CNTROB: variants seen among roughly 807,000 people sequenced by gnomAD.
CNTROB encodes the protein centrobin.
Under a neutral mutation model 115.7 loss-of-function variants are expected in CNTROB, and 82 were observed. That is an observed-to-expected ratio of 0.71 (90% CI 0.59 to 0.85). The LOEUF (loss-of-function observed/expected upper bound fraction) is 0.85, where lower values mean the gene tolerates loss of function less well. CNTROB is among the 40% of genes least tolerant of loss of function. The pLI, the probability that CNTROB is intolerant of heterozygous loss-of-function variation, is 0.00. For missense variants in CNTROB, 1,014 were observed against 1,144.4 expected (o/e 0.89, Z 1.64); for synonymous variants, 439 against 456.4 (o/e 0.96, Z 0.49).
chr17:7,939,828 A>G lies in CNTROB; in HGVS notation c.1164+79A>G. The G allele has an allele frequency of 1.5e-6, 2 of 1,351,664 alleles. No homozygotes were observed. Among genetic ancestry groups the G allele is most frequent in the South Asian group, 2.4e-5 (2 of 82,508 alleles). 83.7% of individuals were successfully genotyped at this position (1,351,664 alleles called of 1,614,324 possible). On this transcript the variant is annotated intron_variant, in intron 8 of 18. Transcript: ENST00000563694. This position sits in a 1 kb window ranked among gnomAD's most constrained non-coding sequence, Gnocchi z 4.4. ...ATAATTGAATGGGATGGAATGTTAG[A>G]ATATGGGGGATACATATAGGCAGGA...
In CNTROB at chr17:7,934,232, C is replaced by T. The variant is rs1370087384; in HGVS notation, c.355+10C>T. The T allele has an allele frequency of 2.5e-6, 4 of 1,611,252 alleles. No homozygotes were observed. Among genetic ancestry groups the T allele is most frequent in the Non-Finnish European group, 3.4e-6 (4 of 1,177,488 alleles). On this transcript the variant is annotated intron_variant, in intron 2 of 18. Transcript: ENST00000563694. ...CGTGATACAGCCTATCGTGAGTAAG[C>T]CCCTTCCCTAGAACTATGAAGGAGA...
In CNTROB at chr17:7,943,435, T is replaced by C. The variant is rs761767450; in HGVS notation, c.1356T>C (p.Ala452=). ...GGATCCAGCTGGAGTCGGAGCTGGC[T>C]GTGCAGCTGGAGCAGCGGGTGACAG... ...SQRIQLESEL[A]VQLEQRVTER... The change falls in exon 10 of 19, where the codon GCT becomes GCC. Residue 452 remains alanine, a synonymous_variant. Coordinates refer to ENST00000563694, the MANE Select transcript of CNTROB (RefSeq NM_053051.5). The surrounding 1 kb of genome is among the most constrained non-coding windows in gnomAD (Gnocchi z 4.7). 6 of 1,613,832 alleles carry C rather than the reference T, an allele frequency of 3.7e-6. No individual in the cohort carries two copies. The highest frequency in any genetic ancestry group is 5.1e-6 in the Non-Finnish European group (6 of 1,179,722).
At chr17:7,934,833 T>A in intron 3 of CNTROB, 156 bp from the exon 4 acceptor site, 1 of 821,040 alleles carries the variant, frequency 1.2e-6, no homozygotes, top group South Asian at 1.9e-5. Context: ...CAGACCTGTG[T>A]GTTATTTATA....
chr17:7,935,376 C>G (rs1236693532), intron 4 of CNTROB, among the ~76,000 whole-genome samples: 1 of 152,112 alleles, frequency 6.6e-6, no homozygotes, highest in Admixed American at 6.5e-5. Context: ...GTGGTGGGTG[C>G]CTGTAGTCCC....
rs371148799 is a variant in CNTROB at position 7,944,680 on chromosome 17, A to G, written c.1734+42A>G. 1.3e-6 allele frequency: 2 copies of G among 1,550,496 alleles called. No individual in the cohort carries two copies. The highest frequency in any genetic ancestry group is 1.7e-6 in the Non-Finnish European group (2 of 1,146,790). ...GAGCTAAGCTTCTCCGTTATGTTCT[A>G]TTTTTATTTTTATTTTTGAGACAGG... On this transcript the variant is annotated intron_variant, in intron 12 of 18. Transcript: ENST00000563694. The surrounding 1 kb of genome is among the most constrained non-coding windows in gnomAD (Gnocchi z 4.0).
intron 6 of CNTROB, 127 bp downstream of exon 6, chr17:7,936,944 ATTTCTTCTCATCCCTCC>A: frequency 1.4e-6 from 1 of 739,776 alleles, no homozygotes; most frequent in Non-Finnish European, 2.4e-6. Flanking sequence ...CTGTCCTGAC[ATTTCTTCTCATCCCTCC>A]TTTCTTCTCC....
chr17:7,934,704 C>G (rs1044668468), intron 3 of CNTROB, among the ~76,000 whole-genome samples, 158 bp downstream of exon 3: 3 of 152,188 alleles, frequency 2.0e-5, no homozygotes, highest in Non-Finnish European at 4.4e-5. Context: ...TCTCCTGCCC[C>G]CTTTACTCCT....
In CNTROB at chr17:7,947,656, G is replaced by A; in HGVS notation, c.2079G>A (p.Gly693=). The change falls in exon 14 of 19, where the codon GGG becomes GGA. Residue 693 remains glycine, a synonymous_variant. Coordinates refer to ENST00000563694, the MANE Select transcript of CNTROB (RefSeq NM_053051.5). ...PFPEEDPGPD[G]EGLLKQGLPP... ...CTGAGGAAGATCCTGGACCTGACGGGGAGGGCCTCCTAAAGCAAGGGCTGC... is the reference window on the plus strand; with the variant it reads ...CTGAGGAAGATCCTGGACCTGACGGAGAGGGCCTCCTAAAGCAAGGGCTGC... 1.2e-6 allele frequency: 2 copies of A among 1,613,972 alleles called. No homozygotes were observed. Among genetic ancestry groups the A allele is most frequent in the Non-Finnish European group, 1.7e-6 (2 of 1,179,834 alleles).
In CNTROB at chr17:7,948,705, G is replaced by A; in HGVS notation, c.2513+86G>A. On this transcript the variant is annotated intron_variant, in intron 17 of 18. Coordinates refer to ENST00000563694, the MANE Select transcript of CNTROB (RefSeq NM_053051.5). The surrounding 1 kb of genome is among the most constrained non-coding windows in gnomAD (Gnocchi z 4.4). The stretch of plus-strand genomic sequence containing the variant: ...GAGTGGGTGTGTTTTACACTGAATT[G>A]AATCGTTGTCCTTTTCTGGGGAGGA... The A allele has an allele frequency of 6.2e-7, 1 of 1,613,054 alleles. No homozygotes were observed. The highest frequency in any genetic ancestry group is 8.5e-7 in the Non-Finnish European group (1 of 1,179,236).
chr17:7,933,748 A>G (rs1972809381), intron 1 of CNTROB, among the ~76,000 whole-genome samples: 1 of 152,230 alleles, frequency 6.6e-6, no homozygotes, highest in African/African-American at 2.4e-5. Flanking sequence ...TGGCATGTAC[A>G]TCATTAAGAC....
At chr17:7,940,999 A>G (rs913329194) in intron 9 of CNTROB, among the ~76,000 whole-genome samples, 2 of 152,218 alleles carry the variant, frequency 1.3e-5, no homozygotes, top group East Asian at 3.9e-4. Flanking sequence ...AACTTATCTA[A>G]ACAGGCAATG....
chr17:7,934,378 C>T (rs1019940588), intron 2 of CNTROB, 87 bp from the exon 3 acceptor site: 2 of 1,376,364 alleles, frequency 1.5e-6, no homozygotes, highest in African/African-American at 2.9e-5. Flanking sequence ...AGTGAGGGAA[C>T]TGGAAAGGAA....
rs1263962994 is a variant in CNTROB at position 7,944,270 on chromosome 17, C to T, written c.1571+22C>T. 3.7e-6 allele frequency: 6 copies of T among 1,611,984 alleles called. No individual in the cohort carries two copies. The Admixed American group carries it at 6.7e-5, about 18-fold the overall frequency. ...TCAGGTCCTGGTCCCCAGAGTGCCC[C>T]TTTCAGGCCCCAGCCCCTTTCCCAT... On this transcript the variant is annotated intron_variant, in intron 11 of 18. Coordinates refer to ENST00000563694, the MANE Select transcript of CNTROB (RefSeq NM_053051.5). This position sits in a 1 kb window ranked among gnomAD's most constrained non-coding sequence, Gnocchi z 4.0.
chr17:7,946,366 A>G (rs1974535610), intron 13 of CNTROB, among the ~76,000 whole-genome samples: 1 of 152,172 alleles, frequency 6.6e-6, no homozygotes, highest in African/African-American at 2.4e-5. Flanking sequence ...CATGGGTTTG[A>G]CCAGCTGTGA....
At position 7,940,215 on chromosome 17, in the gene CNTROB, C is replaced by T; in HGVS notation, c.1284C>T (p.Ala428=). ...ELDTARRERD[A]LQLEMSLVQA... is the part of the protein sequence containing the mutation. ...ATACAGCTCGGAGAGAGAGAGATGC[C>T]CTGCAGCTGGAAATGAGCTTGGTGC... The change falls in exon 9 of 19, where the codon GCC becomes GCT. Residue 428 remains alanine (A), a synonymous_variant. Transcript: ENST00000563694. 1 of 1,609,788 alleles carries T rather than the reference C, an allele frequency of 6.2e-7. No individual in the cohort carries two copies. Among genetic ancestry groups the T allele is most frequent in the Non-Finnish European group, 8.5e-7 (1 of 1,178,788 alleles).
chr17:7,946,105 G>T (rs577235402), intron 13 of CNTROB, 119 bp downstream of exon 13: 8 of 862,430 alleles, frequency 9.3e-6, no homozygotes, highest in South Asian at 1.6e-5. Flanking sequence ...TTTAGTGATC[G>T]CAAGTTGCAA....
At chr17:7,941,319 G>A (rs1973834008) in intron 9 of CNTROB, among the ~76,000 whole-genome samples, 1 of 152,142 alleles carries the variant, frequency 6.6e-6, no homozygotes, top group South Asian at 2.1e-4. Flanking sequence ...CAATCCTTTG[G>A]CCCGGTATGG....
Position 7,944,787 on chromosome 17 carries a change from C to T in CNTROB, c.1734+149C>T, listed in dbSNP as rs1974334585. ...CGAACTCCTGGGCTCAAGTGATCCT[C>T]CCACCTCTAACTCCCAAAGTGCTGG... is the stretch of plus-strand genomic sequence containing the variant. On this transcript the variant is annotated intron_variant, in intron 12 of 18. Coordinates refer to ENST00000563694, the MANE Select transcript of CNTROB (RefSeq NM_053051.5). The surrounding 1 kb of genome is among the most constrained non-coding windows in gnomAD (Gnocchi z 4.0). 1.1e-6 allele frequency: 1 copy of T among 888,726 alleles called. No homozygotes were observed. The highest frequency in any genetic ancestry group is 2.1e-5 in the South Asian group (1 of 47,658). 55.1% of individuals were successfully genotyped at this position (888,726 alleles called of 1,614,324 possible). A position where few individuals can be genotyped will look rare whatever the true frequency, so the allele number is the denominator to read the frequency against.
chr17:7,948,173 A>G lies in CNTROB; in HGVS notation c.2226A>G (p.Pro742=), dbSNP rs749446838. Residue 742 remains proline (P), a synonymous_variant, in exon 16 of 19, where the codon CCA becomes CCG. Transcript: ENST00000563694. This position sits in a 1 kb window ranked among gnomAD's most constrained non-coding sequence, Gnocchi z 4.4. ...LPPKSGPLTV[P]SWEEAPQVPR... is the part of the protein sequence containing the mutation. ...TTTTGCTAGGTCCTCTGACTGTCCC[A>G]TCTTGGGAGGAAGCCCCTCAAGTGC... 1.9e-6 allele frequency: 3 copies of G among 1,614,128 alleles called. No individual in the cohort carries two copies. The highest frequency in any genetic ancestry group is 2.2e-5 in the South Asian group (2 of 91,086).
Sources: allele counts gnomAD v4.1 joint callset (sites outside exome capture counted in the v4.1 genomes callset), GRCh38; gene constraint gnomAD v4.1.1; non-coding constraint Gnocchi (gnomAD v3.1); transcripts MANE v1.5; gene names NCBI Gene and HGNC (gene_info 2026-07-23, HGNC 2026-07-21).